SPTBN5: variants seen among roughly 807,000 people sequenced by gnomAD.
The protein encoded by SPTBN5 is spectrin beta, non-erythrocytic 5.
A neutral mutation model predicts 477.6 loss-of-function variants in SPTBN5; 513 were observed. The observed-to-expected ratio is 1.07, with a 90% CI of 1.00 to 1.16. SPTBN5 has a LOEUF of 1.16. Among genes scored for constraint, SPTBN5 ranks in the 50% most tolerant of loss-of-function variants. The pLI is 0.00. For synonymous variants in SPTBN5, 2,169 were observed against 2,011.7 expected, an observed-to-expected ratio of 1.08 and a Z score of -2.09; for missense variants, 5,062 against 4,731.8, an observed-to-expected ratio of 1.07 and a Z score of -2.05.
chr15:41,892,986 A>T lies in SPTBN5; in HGVS notation c.292T>A (p.Ser98Thr), dbSNP rs776233508. 1 of 1,609,928 alleles carries T rather than the reference A, an allele frequency of 6.2e-7. No homozygotes were observed. The highest frequency in any genetic ancestry group is 1.3e-5 in the African/African-American group (1 of 74,914). Reference sequence around the variant, plus strand: ...CTCGGGGGTGGCAGGGCCTCCCCTGAGATGAGCTCCAGCAGCCGCAGGAGG... The same window carrying T: ...CTCGGGGGTGGCAGGGCCTCCCCTGTGATGAGCTCCAGCAGCCGCAGGAGG... The part of the protein sequence containing the change: ...IHLLRLLELI[S>T]GEALPPPSRG... Residue 98 changes from serine to threonine, a missense_variant, in exon 3 of 68, where the codon TCA becomes ACA. Transcript: ENST00000320955.
At chr15:41,870,423 C>G (rs1468209797) in intron 30 of SPTBN5, 23 bp downstream of exon 30, 2 of 1,612,212 alleles carry the variant, frequency 1.2e-6, no homozygotes, top group Admixed American at 3.3e-5. Context: ...GTATCCACTT[C>G]TAGCCACCCC....
At position 41,871,766 on chromosome 15, in the gene SPTBN5, C is replaced by T; in HGVS notation, c.5301+16G>A. 6.4e-7 allele frequency: 1 copy of T among 1,561,506 alleles called. No homozygotes were observed. Among genetic ancestry groups the T allele is most frequent in the Non-Finnish European group, 8.7e-7 (1 of 1,151,454 alleles). ...CTGCCTCAGGGCACCCTCCTTGACCCTGGCCCTCTTCTCACCAGGGCGTGC... is the reference window on the plus strand; with the variant it reads ...CTGCCTCAGGGCACCCTCCTTGACCTTGGCCCTCTTCTCACCAGGGCGTGC... On this transcript the variant is annotated intron_variant, in intron 28 of 67. Coordinates refer to ENST00000320955, the MANE Select transcript of SPTBN5 (RefSeq NM_016642.4).
In SPTBN5 at chr15:41,861,803, C is replaced by T. The variant is rs1407827271; in HGVS notation, c.7669G>A (p.Glu2557Lys). 1 of 1,576,208 alleles carries T rather than the reference C, an allele frequency of 6.3e-7. No individual in the cohort carries two copies. Among genetic ancestry groups the T allele is most frequent in the Middle Eastern group, 1.9e-4 (1 of 5,342 alleles). Residue 2557 changes from glutamate (E) to lysine (K), a missense_variant, in exon 45 of 68, where the codon GAG (glutamate) becomes AAG (lysine). Transcript: ENST00000320955. ...CAGGCCCCTTCCAGGCTGCTCAGCT[C>T]CTGTTCTAAGCCAGCCAGCACCTGG... ...IRQVLAGLEQ[E>K]LSSLEGAWQE...
intron 12 of SPTBN5, among the ~76,000 whole-genome samples, chr15:41,881,595 C>T (rs935973157): frequency 2.0e-5 from 3 of 152,168 alleles, no homozygotes; most frequent in Non-Finnish European, 2.9e-5. Flanking sequence ...ACCAACAAGG[C>T]GGGCTAAGTC....
chr15:41,862,568 C>T lies in SPTBN5; in HGVS notation c.7356G>A (p.Trp2452Ter). 6.4e-7 allele frequency: 1 copy of T among 1,561,528 alleles called. No homozygotes were observed. Among genetic ancestry groups the T allele is most frequent in the South Asian group, 1.2e-5 (1 of 85,036 alleles). ...RHRQQEVAES[W>*]WQLRSRAQKR... ...TCTGGGCCCTGCTCCGGAGCTGCCA[C>T]CAGCTCTCAGCCACCTCCTGCTGCC... is the stretch of plus-strand genomic sequence containing the variant. Residue 2452 changes from tryptophan to a stop codon, truncating the protein, a stop_gained, in exon 43 of 68, where the codon TGG becomes TGA. Coordinates refer to ENST00000320955, the MANE Select transcript of SPTBN5 (RefSeq NM_016642.4). LOFTEE classifies it high-confidence loss of function.
At chr15:41,863,466 G>A (rs771546514) in intron 41 of SPTBN5, among the ~76,000 whole-genome samples, 11 of 152,346 alleles carry the variant, frequency 7.2e-5, no homozygotes, top group Middle Eastern at 3.4e-3. Flanking sequence ...ATCTGGGGGA[G>A]AAAGGAGACA....
chr15:41,872,562 C>T (rs2066583442), intron 26 of SPTBN5, 103 bp from the exon 27 acceptor site: 2 of 1,249,740 alleles, frequency 1.6e-6, no homozygotes, highest in Non-Finnish European at 1.1e-6. Context: ...CATTCACCCA[C>T]CACTCACACG....
At chr15:41,853,885 C>T (rs2140913624) in intron 57 of SPTBN5, 98 bp from the exon 58 acceptor site, 1 of 1,427,804 alleles carries the variant, frequency 7.0e-7, no homozygotes, top group East Asian at 2.5e-5. Flanking sequence ...ACCACCTCCA[C>T]TCTGCTGCAC....
At chr15:41,858,290 CCT>C (rs891326844) in intron 49 of SPTBN5, among the ~76,000 whole-genome samples, 3 of 152,016 alleles carry the variant, frequency 2.0e-5, no homozygotes, top group Non-Finnish European at 4.4e-5. Flanking sequence ...AGAGCAAGAC[CCT>C]GTCTCAAAGT....
intron 66 of SPTBN5, 138 bp downstream of exon 66, chr15:41,850,716 A>T (rs2065723876): frequency 2.6e-6 from 2 of 777,136 alleles, no homozygotes; most frequent in South Asian, 3.8e-5. Flanking sequence ...TCTTTGAGGA[A>T]AAACAGTAAG....
In SPTBN5 at chr15:41,857,573, C is replaced by G; in HGVS notation, c.8364G>C (p.Glu2788Asp). Residue 2788 changes from glutamate (E) to aspartate (D), a missense_variant and splice_region_variant, in exon 50 of 68, where the codon GAG (glutamate) becomes GAC (aspartate). By Grantham distance (45) the Glu-to-Asp change is conservative (BLOSUM62 2). Coordinates refer to ENST00000320955, the MANE Select transcript of SPTBN5 (RefSeq NM_016642.4). Reference protein sequence around the residue: ...KKVAKLQKACEALRLRRSMEE... With the variant: ...KKVAKLQKACDALRLRRSMEE... ...CACCCCTCGGCCTGCACAACCTCACCTCACAGGCCTTCTGGAGCTTGGCCA... is the reference window on the plus strand; with the variant it reads ...CACCCCTCGGCCTGCACAACCTCACGTCACAGGCCTTCTGGAGCTTGGCCA... 2 of 1,609,520 alleles carry G rather than the reference C, an allele frequency of 1.2e-6. No homozygotes were observed. The highest frequency in any genetic ancestry group is 2.2e-5 in the South Asian group (2 of 90,192).
chr15:41,858,865 G>T (rs117801036), intron 48 of SPTBN5, 25 bp downstream of exon 48: 9 of 1,556,628 alleles, frequency 5.8e-6, no homozygotes, highest in Non-Finnish European at 7.0e-6. Flanking sequence ...CACCATGACC[G>T]CCTCCCTCTC....
chr15:41,871,351 T>A, intron 29 of SPTBN5, 24 bp downstream of exon 29: 1 of 1,393,606 alleles, frequency 7.2e-7, no homozygotes, highest in Non-Finnish European at 9.3e-7. Context: ...AACCCCATGC[T>A]GGCCTGGCCC....
At chr15:41,890,845 A>C (rs1272449114) in intron 3 of SPTBN5, among the ~76,000 whole-genome samples, 2 of 152,218 alleles carry the variant, frequency 1.3e-5, no homozygotes, top group Admixed American at 6.5e-5. Flanking sequence ...AGGATGGGTG[A>C]GTCAAGGGGA....
rs373127527 is a variant in SPTBN5 at position 41,855,706 on chromosome 15, C to T, written c.9061G>A (p.Val3021Ile). ...TGGCCCATGTCCTCGCTGTCCAGGACATGGCCCCGCTCAGCCAGCCAGGAT... is the reference window on the plus strand; with the variant it reads ...TGGCCCATGTCCTCGCTGTCCAGGATATGGCCCCGCTCAGCCAGCCAGGAT... The part of the protein sequence containing the change: ...AGSWLAERGH[V>I]LDSEDMGHSA... The change falls in exon 54 of 68, where the codon GTC becomes ATC. Residue 3021 changes from valine (V) to isoleucine (I), a missense_variant. Coordinates refer to ENST00000320955, the MANE Select transcript of SPTBN5 (RefSeq NM_016642.4). 5.0e-6 allele frequency: 8 copies of T among 1,597,660 alleles called. No homozygotes were observed. The African/African-American group carries it at 1.1e-4, about 21-fold the overall frequency.
At chr15:41,883,303 C>T (rs1318262953) in intron 8 of SPTBN5, 45 bp downstream of exon 8, 9 of 1,608,498 alleles carry the variant, frequency 5.6e-6, no homozygotes, top group Middle Eastern at 1.7e-4. Context: ...GGGGAAGTCC[C>T]CCACCTTGCT....
chr15:41,887,194 C>G lies in SPTBN5; in HGVS notation c.888+19G>C, dbSNP rs1211758448. 4 of 1,548,704 alleles carry G rather than the reference C, an allele frequency of 2.6e-6. No individual in the cohort carries two copies. Among genetic ancestry groups the G allele is most frequent in the Non-Finnish European group, 3.5e-6 (4 of 1,144,632 alleles). On this transcript the variant is annotated intron_variant, in intron 6 of 67. Coordinates refer to ENST00000320955, the MANE Select transcript of SPTBN5 (RefSeq NM_016642.4). ...GCCTCTGGAGCCCTTGCTCACCCCA[C>G]CCCTCCTTTCTCCCCCACCTTAGTG... is the stretch of plus-strand genomic sequence containing the variant.
chr15:41,865,633 C>G (rs1297825637), intron 39 of SPTBN5, among the ~76,000 whole-genome samples, 175 bp downstream of exon 39: 1 of 152,206 alleles, frequency 6.6e-6, no homozygotes, highest in African/African-American at 2.4e-5. Flanking sequence ...GGTGCTACCC[C>G]CATTCTAAAG....
At chr15:41,857,914 T>C (rs2065976239) in intron 49 of SPTBN5, among the ~76,000 whole-genome samples, 1 of 152,252 alleles carries the variant, frequency 6.6e-6, no homozygotes, top group African/African-American at 2.4e-5. Context: ...ATGAGATAAG[T>C]CATATAAAAT....
Sources: allele counts gnomAD v4.1 joint callset (sites outside exome capture counted in the v4.1 genomes callset), GRCh38; gene constraint gnomAD v4.1.1; transcripts MANE v1.5; gene names NCBI Gene and HGNC (gene_info 2026-07-23, HGNC 2026-07-21).